Variants in RAB27B observed in about 807,000 individuals in gnomAD.
The protein encoded by RAB27B is ras-related protein Rab-27B.
In RAB27B, 15 loss-of-function variants were observed where a neutral mutation model predicts 24.6. The observed-to-expected ratio is 0.61, with a 90% CI of 0.41 to 0.94. The LOEUF (loss-of-function observed/expected upper bound fraction) is 0.94, where lower values mean the gene tolerates loss of function less well. RAB27B is among the 40% of genes least tolerant of loss of function. The probability of loss-of-function intolerance (pLI) is 0.00; values close to 1 mark genes in which losing one functional copy is unlikely to be tolerated. For synonymous variants in RAB27B, 105 were observed against 92.5 expected, an observed-to-expected ratio of 1.14 and a Z score of -0.78; for missense variants, 261 against 266.8, an observed-to-expected ratio of 0.98 and a Z score of 0.15.
At chr18:54,839,432 TAACA>T (rs1339193211) in intron 1 of RAB27B, among the ~76,000 whole-genome samples, 1 of 152,170 alleles carries the variant, frequency 6.6e-6, no homozygotes, top group East Asian at 1.9e-4. Context: ...AGAGTTAAAG[TAACA>T]AACATTCTCC....
chr18:54,881,721 T>C (rs1912932177), intron 3 of RAB27B, among the ~76,000 whole-genome samples: 1 of 152,004 alleles, frequency 6.6e-6, no homozygotes, highest in Admixed American at 6.6e-5. Context: ...TGTCTCCCCG[T>C]GGGGGAAATG....
At chr18:54,815,447 C>T (rs1483825262) in intron 2 of RAB27B, among the ~76,000 whole-genome samples, 1 of 152,212 alleles carries the variant, frequency 6.6e-6, no homozygotes, top group Non-Finnish European at 1.5e-5. Context: ...TAACCACCAA[C>T]ACGTAATGGC....
chr18:54,810,780 C>G (rs916517925), intron 2 of RAB27B, among the ~76,000 whole-genome samples: 2 of 151,616 alleles, frequency 1.3e-5, no homozygotes, highest in South Asian at 2.1e-4. Flanking sequence ...TTGCAGTGAG[C>G]CGAGATTGTG....
At chr18:54,719,307 T>G (rs1909287248) in intron 2 of RAB27B, among the ~76,000 whole-genome samples, 1 of 152,094 alleles carries the variant, frequency 6.6e-6, no homozygotes, top group Non-Finnish European at 1.5e-5. Context: ...GTATCTATAG[T>G]TCCCTTAACA....
chr18:54,789,520 C>T (rs1188966788), intron 2 of RAB27B, among the ~76,000 whole-genome samples: 1 of 151,916 alleles, frequency 6.6e-6, no homozygotes, highest in African/African-American at 2.4e-5. Flanking sequence ...TGTATGTATA[C>T]ATGTTCATTT....
intron 2 of RAB27B, among the ~76,000 whole-genome samples, chr18:54,784,315 CAGATTCAGAG>C (rs1909011704): frequency 6.6e-6 from 1 of 152,070 alleles, no homozygotes; most frequent in African/African-American, 2.4e-5. Context: ...TTTTTCATTT[CAGATTCAGAG>C]GATACATGTG....
chr18:54,875,255 A>G (rs1192310605), intron 1 of RAB27B, among the ~76,000 whole-genome samples: 2 of 152,142 alleles, frequency 1.3e-5, no homozygotes, highest in South Asian at 4.1e-4. Context: ...AAACCAGGGA[A>G]GGTCGATGCT....
At chr18:54,828,404 C>A (rs1205700435), upstream of RAB27B, 2 of 152,230 alleles carry the variant, frequency 1.3e-5, no homozygotes, top group African/African-American at 2.4e-5. Context: ...TGCAGACACG[C>A]CTTCTTCTCA....
chr18:54,862,216 TG>T (rs546608992), intron 1 of RAB27B, among the ~76,000 whole-genome samples: 127 of 152,324 alleles, frequency 8.3e-4, no homozygotes, highest in Non-Finnish European at 1.5e-3. Context: ...TCAGCGCATC[TG>T]TTTTGAGTGA....
rs1394468607 is a variant in RAB27B, at chr18:54,895,099, T to A, written c.*5686T>A. The A allele has an allele frequency of 3.2e-5, 3 of 93,090 alleles. No individual in the cohort carries two copies. The highest frequency in any genetic ancestry group is 7.7e-5 in the African/African-American group (2 of 26,078). The allele number at this position is 93,090 out of a possible 1,614,324, so 5.8% of individuals were successfully genotyped here. Reference sequence around the variant, plus strand: ...ACTGATTGTATCTGAAATTATTTTTTAAAAAAATAAATTATCCTGCTTTAG... The same window carrying A: ...ACTGATTGTATCTGAAATTATTTTTAAAAAAAATAAATTATCCTGCTTTAG... On this transcript the variant is annotated 3_prime_UTR_variant, in exon 6 of 6. Transcript: ENST00000262094.
chr18:54,883,925 C>A (rs1436659599), intron 3 of RAB27B, among the ~76,000 whole-genome samples: 1 of 152,124 alleles, frequency 6.6e-6, no homozygotes, highest in African/African-American at 2.4e-5. Flanking sequence ...CATTTTCAGG[C>A]TACTGTGTGC....
At chr18:54,784,636 A>G (rs1909022710) in intron 2 of RAB27B, among the ~76,000 whole-genome samples, 1 of 151,824 alleles carries the variant, frequency 6.6e-6, no homozygotes, top group Admixed American at 6.6e-5. Context: ...GCTGCACAGG[A>G]TGTGATTTTG....
In RAB27B at chr18:54,884,340, A is replaced by G. The variant is rs767959071; in HGVS notation, c.247A>G (p.Ser83Gly). 1 of 1,608,946 alleles carries G rather than the reference A, an allele frequency of 6.2e-7. No homozygotes were observed. Among genetic ancestry groups the G allele is most frequent in the South Asian group, 1.1e-5 (1 of 90,912 alleles). Reference protein sequence around the residue: ...WDTAGQERFRSLTTAFFRDAM... With the variant: ...WDTAGQERFRGLTTAFFRDAM... ...ACTGTGTTTCCTTGGCAGGTTCCGG[A>G]GTCTCACCACTGCATTTTTCAGAGA... Residue 83 changes from serine to glycine, a missense_variant, in exon 4 of 6, where the codon AGT becomes GGT. Transcript: ENST00000262094.
intron 1 of RAB27B, among the ~76,000 whole-genome samples, chr18:54,857,132 A>G (rs1449467444): frequency 6.6e-6 from 1 of 152,190 alleles, no homozygotes; most frequent in Non-Finnish European, 1.5e-5. Flanking sequence ...GTTCCCAGGA[A>G]ACTTTTTGAT....
chr18:54,743,984 G>A (rs568559286), intron 2 of RAB27B, among the ~76,000 whole-genome samples: 18 of 152,318 alleles, frequency 1.2e-4, no homozygotes, highest in African/African-American at 4.3e-4. Context: ...GCCTAGAGGA[G>A]TGATTCTGAT....
chr18:54,801,040 T>G (rs1451563778), intron 2 of RAB27B, among the ~76,000 whole-genome samples: 3 of 131,530 alleles, frequency 2.3e-5, no homozygotes, highest in Non-Finnish European at 4.7e-5. Flanking sequence ...TTTAACAGAG[T>G]CTTGCTCTGT....
At chr18:54,865,998 T>C (rs1250076745) in intron 1 of RAB27B, among the ~76,000 whole-genome samples, 1 of 152,222 alleles carries the variant, frequency 6.6e-6, no homozygotes, top group African/African-American at 2.4e-5. Context: ...ACAGTAGCTA[T>C]GCTTTAATTT....
chr18:54,801,263 T>A (rs947017339), intron 2 of RAB27B, among the ~76,000 whole-genome samples: 4 of 152,054 alleles, frequency 2.6e-5, no homozygotes, highest in African/African-American at 9.7e-5. Context: ...AATCCACCCA[T>A]CTTGGCCTCC....
At chr18:54,726,196 T>C (rs992654409) in intron 2 of RAB27B, among the ~76,000 whole-genome samples, 9 of 151,528 alleles carry the variant, frequency 5.9e-5, no homozygotes, top group Admixed American at 3.3e-4. Flanking sequence ...AGTTACTCAA[T>C]AGCCTATCGT....
Sources: gnomAD v4.1 joint callset for allele counts (sites outside exome capture counted in the v4.1 genomes callset) on GRCh38, gnomAD v4.1.1 for gene constraint, MANE v1.5 for transcripts, NCBI Gene and HGNC (gene_info 2026-07-23, HGNC 2026-07-21) for gene names.